TBC1D22A: variants seen among roughly 807,000 people sequenced by gnomAD.
The protein encoded by TBC1D22A is putative GTPase activator.
A neutral mutation model predicts 60.2 loss-of-function variants in TBC1D22A; 38 were observed. The observed-to-expected ratio is 0.63, with a 90% confidence interval of 0.49 to 0.83. TBC1D22A has a LOEUF of 0.83. Among genes scored for constraint, TBC1D22A ranks in the 40% least tolerant of loss-of-function variants. The probability of loss-of-function intolerance (pLI) is 0.00; values close to 1 mark genes in which losing one functional copy is unlikely to be tolerated. For synonymous variants in TBC1D22A, 302 were observed against 281.7 expected (o/e 1.07, Z -0.72); for missense variants, 628 against 701.0 (o/e 0.90, Z 1.18).
chr22:47,113,705 C>CGAG (rs2065930091), intron 12 of TBC1D22A, among the ~76,000 whole-genome samples: 2 of 152,156 alleles, frequency 1.3e-5, no homozygotes, highest in Non-Finnish European at 2.9e-5. Context: ...CAAGGTGGCT[C>CGAG]GAGGCAGACC....
At chr22:46,838,090 A>T (rs1355320290) in intron 4 of TBC1D22A, among the ~76,000 whole-genome samples, 1 of 152,186 alleles carries the variant, frequency 6.6e-6, no homozygotes, top group African/African-American at 2.4e-5. Flanking sequence ...AAACAGCCCA[A>T]CTTCTACACT....
chr22:47,052,775 C>T (rs1216142838), intron 11 of TBC1D22A, among the ~76,000 whole-genome samples: 2 of 152,230 alleles, frequency 1.3e-5, no homozygotes, highest in Non-Finnish European at 2.9e-5. Context: ...CACAGTACCC[C>T]CGGGCATCTT....
intron 1 of TBC1D22A, 84 bp downstream of exon 1, chr22:46,762,932 CG>C: frequency 7.5e-7 from 1 of 1,341,078 alleles, no homozygotes; most frequent in Admixed American, 3.6e-5. Flanking sequence ...CGGGTGGAGT[CG>C]GGGGTCTGGA....
intron 4 of TBC1D22A, among the ~76,000 whole-genome samples, chr22:46,844,173 C>T (rs543189301): frequency 2.0e-5 from 3 of 151,166 alleles, no homozygotes; most frequent in South Asian, 2.1e-4. Context: ...CTTATCAAGC[C>T]GTTCTAAGCA....
chr22:47,011,362 T>A (rs1253616240), intron 10 of TBC1D22A, among the ~76,000 whole-genome samples: 1 of 152,172 alleles, frequency 6.6e-6, no homozygotes, highest in East Asian at 1.9e-4. Context: ...ACCAGCATCT[T>A]GTGCCTTATG....
At chr22:46,858,527 A>C (rs994424017) in intron 4 of TBC1D22A, among the ~76,000 whole-genome samples, 62 of 152,144 alleles carry the variant, frequency 4.1e-4, no homozygotes, top group African/African-American at 1.5e-3. Flanking sequence ...GCTACGTTTC[A>C]TGTTTATGAT....
chr22:47,138,153 A>G lies in TBC1D22A; in HGVS notation c.1425+26550A>G, dbSNP rs952302638. On this transcript the variant is annotated intron_variant, in intron 12 of 12. Transcript: ENST00000337137. ...CTCGTGGGATCGTCCAGGTAGCGGC[A>G]CCTCACAGCTGTCTCACGGCCCATC... is the stretch of plus-strand genomic sequence containing the variant. Among the ~76,000 whole-genome samples, 29 of 152,272 alleles carry G rather than the reference A, an allele frequency of 1.9e-4. 1 individual carries two copies. The highest frequency in any genetic ancestry group is 1.5e-3 in the Admixed American group (23 of 15,302).
At chr22:46,947,499 T>C (rs1602613876) in intron 8 of TBC1D22A, among the ~76,000 whole-genome samples, 1 of 152,340 alleles carries the variant, frequency 6.6e-6, no homozygotes, top group African/African-American at 2.4e-5. Context: ...CTGCTGAACC[T>C]GCTGGTGGGA....
intron 8 of TBC1D22A, among the ~76,000 whole-genome samples, chr22:46,938,808 A>T (rs2071814814): frequency 6.6e-6 from 1 of 151,542 alleles, no homozygotes; most frequent in Non-Finnish European, 1.5e-5. Context: ...CTGGTCTCGA[A>T]CTCCCGACCT....
At chr22:47,150,054 C>T (rs2067442506) in intron 12 of TBC1D22A, among the ~76,000 whole-genome samples, 1 of 152,120 alleles carries the variant, frequency 6.6e-6, no homozygotes, top group Admixed American at 6.5e-5. Flanking sequence ...TGGGATTAGC[C>T]CCTCTGGTCT....
chr22:47,010,324 A>T (rs2061717308), intron 10 of TBC1D22A, among the ~76,000 whole-genome samples: 1 of 151,672 alleles, frequency 6.6e-6, no homozygotes, highest in Non-Finnish European at 1.5e-5. Context: ...GGGAACAGGC[A>T]GCGTGGCTCC....
chr22:46,898,281 A>G (rs188691298), intron 7 of TBC1D22A, among the ~76,000 whole-genome samples: 28 of 152,188 alleles, frequency 1.8e-4, no homozygotes, highest in Non-Finnish European at 3.7e-4. Context: ...ATGGGCCTTG[A>G]GCTGTTGGTT....
intron 12 of TBC1D22A, chr22:47,117,001 AG>A (rs1250405712): frequency 6.5e-6 from 1 of 153,110 alleles, no homozygotes; most frequent in African/African-American, 2.4e-5. Context: ...GGGGGTCGGC[AG>A]GTGGGCAGGG....
intron 11 of TBC1D22A, among the ~76,000 whole-genome samples, chr22:47,064,073 T>C (rs2147467992): frequency 6.6e-6 from 1 of 152,210 alleles, no homozygotes; most frequent in South Asian, 2.1e-4. Context: ...AGATGCCGTT[T>C]TCCAGGGAGG....
chr22:47,150,482 G>A (rs372760929), intron 12 of TBC1D22A, among the ~76,000 whole-genome samples: 14 of 152,156 alleles, frequency 9.2e-5, no homozygotes, highest in Non-Finnish European at 1.8e-4. Flanking sequence ...AACAGCTCTC[G>A]AGCCCGCGTA....
chr22:46,954,008 A>C (rs1733003047), intron 8 of TBC1D22A, among the ~76,000 whole-genome samples: 1 of 152,214 alleles, frequency 6.6e-6, no homozygotes, highest in African/African-American at 2.4e-5. Context: ...TGCCAGAGAC[A>C]GTCTGCATCT....
At chr22:46,887,991 G>C (rs2068205790) in intron 5 of TBC1D22A, among the ~76,000 whole-genome samples, 1 of 152,182 alleles carries the variant, frequency 6.6e-6, no homozygotes, top group South Asian at 2.1e-4. Flanking sequence ...CTTCATGCTC[G>C]AGGCCTGGCG....
intron 1 of TBC1D22A, among the ~76,000 whole-genome samples, chr22:46,766,489 A>G (rs1194231796): frequency 2.0e-5 from 3 of 152,132 alleles, no homozygotes; most frequent in Non-Finnish European, 4.4e-5. Flanking sequence ...GAGGAAGACT[A>G]CACCCACTGT....
At chr22:46,948,969 A>C (rs971506030) in intron 8 of TBC1D22A, among the ~76,000 whole-genome samples, 1 of 152,126 alleles carries the variant, frequency 6.6e-6, no homozygotes, top group Non-Finnish European at 1.5e-5. Flanking sequence ...CAGGCACGGG[A>C]GTTCTGTCTG....
Sources: gnomAD v4.1 joint callset for allele counts (sites outside exome capture counted in the v4.1 genomes callset) on GRCh38, gnomAD v4.1.1 for gene constraint, MANE v1.5 for transcripts, NCBI Gene and HGNC (gene_info 2026-07-23, HGNC 2026-07-21) for gene names.